Variants in BIRC6 observed in about 807,000 individuals in gnomAD.
The protein encoded by BIRC6 is baculoviral IAP repeat containing 6.
BIRC6 carries 98 observed loss-of-function variants against 503.3 expected under a neutral mutation model. The ratio of observed to expected loss-of-function variants is 0.19; its 90% CI spans 0.17 to 0.23. The LOEUF is 0.23. BIRC6 is among the 10% of genes least tolerant of loss of function. The pLI, the probability that BIRC6 is intolerant of heterozygous loss-of-function variation, is 1.00. For missense variants in BIRC6, 5,360 were observed against 5,806.0 expected, an observed-to-expected ratio of 0.92 and a Z score of 2.50; for synonymous variants, 2,240 against 2,078.7, an observed-to-expected ratio of 1.08 and a Z score of -2.11.
At chr2:32,482,850 A>G (rs748440383) in intron 39 of BIRC6, among the ~76,000 whole-genome samples, 1 of 152,022 alleles carries the variant, frequency 6.6e-6, no homozygotes, top group Non-Finnish European at 1.5e-5. Flanking sequence ...TTAATTGTTG[A>G]CTTTAATAGT....
At chr2:32,595,185 A>G (rs758471076) in intron 68 of BIRC6, 41 bp downstream of exon 68, 4 of 1,285,388 alleles carry the variant, frequency 3.1e-6, no homozygotes, top group South Asian at 1.4e-5. Flanking sequence ...CTCACTTTCC[A>G]TTTTTTTTTA....
chr2:32,617,706 G>A lies in BIRC6; in HGVS notation c.14395-19G>A, dbSNP rs761379760. 6.2e-7 allele frequency: 1 copy of A among 1,608,930 alleles called. No homozygotes were observed. The highest frequency in any genetic ancestry group is 1.7e-5 in the Admixed American group (1 of 59,696). On this transcript the variant is annotated intron_variant, in intron 73 of 73. Coordinates refer to ENST00000421745, the MANE Select transcript of BIRC6 (RefSeq NM_016252.4). ...TAGAGGGTTTGCAGTTCTAACATTA[G>A]TCCTTTTCTCCTGCATAGCGTCACA...
At chr2:32,613,017 G>T (rs1167859054) in intron 73 of BIRC6, among the ~76,000 whole-genome samples, 5 of 151,996 alleles carry the variant, frequency 3.3e-5, no homozygotes, top group African/African-American at 1.2e-4. Flanking sequence ...CATCTCTCCA[G>T]TTCTCAACGC....
chr2:32,597,885 G>C lies in BIRC6; in HGVS notation c.13747G>C (p.Val4583Leu). The C allele has an allele frequency of 6.2e-7, 1 of 1,613,908 alleles. No homozygotes were observed. The highest frequency in any genetic ancestry group is 8.5e-7 in the Non-Finnish European group (1 of 1,179,866). Residue 4583 changes from valine (V) to leucine (L), a missense_variant, in exon 69 of 74, where the codon GTG becomes CTG. Around this residue, in one of 16 missense-constraint regions of BIRC6, gnomAD observed 477 missense variants for 574.4 expected, o/e 0.83. Coordinates refer to ENST00000421745, the MANE Select transcript of BIRC6 (RefSeq NM_016252.4). ...AGCTCGCCGCCTTGCCCAGGAAGCT[G>C]TGACGCTTTCAACCTCACTGCCTCT... is the stretch of plus-strand genomic sequence containing the variant. ...ARARRLAQEA[V>L]TLSTSLPLSS... is the part of the protein sequence containing the mutation.
chr2:32,533,105 A>G (rs772297361), intron 61 of BIRC6, among the ~76,000 whole-genome samples: 1 of 152,222 alleles, frequency 6.6e-6, no homozygotes, highest in African/African-American at 2.4e-5. Context: ...GTCTTAGAGA[A>G]TATCTGAATT....
intron 57 of BIRC6, among the ~76,000 whole-genome samples, chr2:32,519,978 T>TTA (rs1426050051): frequency 6.6e-6 from 1 of 152,244 alleles, no homozygotes. Flanking sequence ...AGTTGTGATC[T>TTA]TATGTCTGTT....
chr2:32,373,578 C>T (rs548090442), intron 1 of BIRC6, among the ~76,000 whole-genome samples: 1 of 152,238 alleles, frequency 6.6e-6, no homozygotes, highest in South Asian at 2.1e-4. Flanking sequence ...CAAAATACAA[C>T]AACGGAGAAT....
At chr2:32,420,247 C>T (rs189657292) in intron 10 of BIRC6, among the ~76,000 whole-genome samples, 17 of 152,096 alleles carry the variant, frequency 1.1e-4, no homozygotes, top group Admixed American at 9.2e-4. Context: ...GGGAAGTATT[C>T]GCTCTTCAAT....
At chr2:32,590,652 A>G (rs2061337971) in intron 66 of BIRC6, among the ~76,000 whole-genome samples, 1 of 152,142 alleles carries the variant, frequency 6.6e-6, no homozygotes, top group African/African-American at 2.4e-5. Flanking sequence ...AGATTTGCCC[A>G]TTTTGCTCAC....
chr2:32,461,345 TG>T (rs1352964475), intron 23 of BIRC6, among the ~76,000 whole-genome samples: 3 of 114,500 alleles, frequency 2.6e-5, no homozygotes, highest in Non-Finnish European at 5.8e-5. Flanking sequence ...GCCTGGCTAG[TG>T]TGTGTGTGTG....
chr2:32,403,928 G>GT (rs55964632), intron 8 of BIRC6, among the ~76,000 whole-genome samples: 190 of 130,660 alleles, frequency 1.5e-3, no homozygotes, highest in Middle Eastern at 3.9e-3. Context: ...ATGTGTGTGT[G>GT]TTTTTTTTTT....
intron 61 of BIRC6, among the ~76,000 whole-genome samples, chr2:32,537,640 A>G (rs1323910446): frequency 6.6e-6 from 1 of 152,188 alleles, no homozygotes; most frequent in Non-Finnish European, 1.5e-5. Flanking sequence ...TTGTCTCTAT[A>G]TAGTTAAAAG....
intron 59 of BIRC6, chr2:32,528,476 G>A (rs185568503): frequency 4.1e-4 from 63 of 152,368 alleles, no homozygotes; most frequent in African/African-American, 1.3e-3. Flanking sequence ...CACTTGCCTT[G>A]GCCTCCCAAA....
intron 10 of BIRC6, among the ~76,000 whole-genome samples, chr2:32,424,236 TGTGTATATATATGA>T (rs765680921): frequency 1.3e-5 from 2 of 151,826 alleles, no homozygotes; most frequent in African/African-American, 4.8e-5. Context: ...CATATGTGTG[TGTGTATATATATGA>T]ATATATATAT....
chr2:32,448,843 G>T lies in BIRC6; in HGVS notation c.4533G>T (p.Glu1511Asp), dbSNP rs1222667500. 1 of 1,613,388 alleles carries T rather than the reference G, an allele frequency of 6.2e-7. No homozygotes were observed. Among genetic ancestry groups the T allele is most frequent in the South Asian group, 1.1e-5 (1 of 91,026 alleles). Reference protein sequence around the residue: ...SPFDPVLFDLEMSGSSCKNVY... With the variant: ...SPFDPVLFDLDMSGSSCKNVY... ...TTGATCCAGTCCTCTTTGATTTGGA[G>T]ATGAGTGGCTCTTCTTGTAAAAATG... The change falls in exon 22 of 74, where the codon GAG (glutamate) becomes GAT (aspartate). Residue 1511 changes from glutamate to aspartate, a missense_variant. This residue lies in a region of BIRC6 where 2,299 missense variants were observed against 2,267.2 expected (regional missense o/e 1.01). Coordinates refer to ENST00000421745, the MANE Select transcript of BIRC6 (RefSeq NM_016252.4).
chr2:32,449,950 C>T (rs2046498469), intron 22 of BIRC6, among the ~76,000 whole-genome samples: 1 of 152,206 alleles, frequency 6.6e-6, no homozygotes, highest in Non-Finnish European at 1.5e-5. Context: ...ACACGCATCT[C>T]ACCATTTTCT....
At chr2:32,473,753 T>TGTG (rs2049388130) in intron 33 of BIRC6, among the ~76,000 whole-genome samples, 5 of 80,094 alleles carry the variant, frequency 6.2e-5, no homozygotes, top group East Asian at 7.4e-4. Context: ...GTGTGTGTAT[T>TGTG]TTTTTTTTTT....
At chr2:32,394,164 T>C (rs1452183084) in intron 5 of BIRC6, among the ~76,000 whole-genome samples, 1 of 151,542 alleles carries the variant, frequency 6.6e-6, no homozygotes, top group Non-Finnish European at 1.5e-5. Context: ...GATTTTTTTT[T>C]TTTCTTTCTG....
chr2:32,509,636 C>T lies in BIRC6; in HGVS notation c.9981-102C>T, dbSNP rs144078962. On this transcript the variant is annotated intron_variant, in intron 51 of 73. Transcript: ENST00000421745. Reference sequence around the variant, plus strand: ...AAAACATGTCTTAGATTGGTTAATGCTGTTTATGAAACACAACATGCTGAT... The same window carrying T: ...AAAACATGTCTTAGATTGGTTAATGTTGTTTATGAAACACAACATGCTGAT... The T allele has an allele frequency of 3.8e-4, 496 of 1,309,120 alleles. 3 individuals carry two copies. In the African/African-American group the frequency reaches 6.6e-3, roughly 17 times the overall value. The allele number at this position is 1,309,120 out of a possible 1,614,324, so 81.1% of individuals were successfully genotyped here.
Sources: allele counts gnomAD v4.1 joint callset (sites outside exome capture counted in the v4.1 genomes callset), GRCh38; gene constraint gnomAD v4.1.1; regional missense constraint gnomAD v4.1.1; transcripts MANE v1.5; gene names NCBI Gene and HGNC (gene_info 2026-07-23, HGNC 2026-07-21).